Variants in MACROD2 observed in about 807,000 individuals in gnomAD.
MACROD2 encodes ADP-ribose glycohydrolase MACROD2.
In MACROD2, 36 loss-of-function variants were observed where a neutral mutation model predicts 70.4. The ratio of observed to expected loss-of-function variants is 0.51; its 90% confidence interval spans 0.39 to 0.68. The LOEUF is 0.68. Ranked by LOEUF, MACROD2 falls within the 30% of genes least tolerant of loss-of-function variation. The pLI, the probability that MACROD2 is intolerant of heterozygous loss-of-function variation, is 0.00. For synonymous variants in MACROD2, 172 were observed against 178.8 expected, an observed-to-expected ratio of 0.96 and a Z score of 0.30; for missense variants, 496 against 538.4, an observed-to-expected ratio of 0.92 and a Z score of 0.78.
At chr20:14,838,700 T>C (rs1024301953) in intron 5 of MACROD2, among the ~76,000 whole-genome samples, 10 of 152,140 alleles carry the variant, frequency 6.6e-5, no homozygotes, top group African/African-American at 2.4e-4. Flanking sequence ...AGCTTAAACA[T>C]GATACACTGA....
rs1301343308 is a variant in MACROD2 at position 14,326,136 on chromosome 20, T to C, written c.272-167343T>C. The C allele has an allele frequency of 6.2e-7, 1 of 1,613,898 alleles. No homozygotes were observed. Among genetic ancestry groups the C allele is most frequent in the African/African-American group, 1.3e-5 (1 of 75,036 alleles). On this transcript the variant is annotated intron_variant, in intron 3 of 17. Transcript: ENST00000684519. This position sits in a 1 kb window ranked among gnomAD's most constrained non-coding sequence, Gnocchi z 5.5. Reference sequence around the variant, plus strand: ...CCAAGTACTCACTGCGTTCCCCTGTTACAATTGTTTCTGTTATAGATCCAA... The same window carrying C: ...CCAAGTACTCACTGCGTTCCCCTGTCACAATTGTTTCTGTTATAGATCCAA...
chr20:14,399,581 T>G (rs185884353), intron 3 of MACROD2, among the ~76,000 whole-genome samples: 34 of 152,234 alleles, frequency 2.2e-4, no homozygotes, highest in African/African-American at 7.7e-4. Context: ...GTTCTTGAAT[T>G]TCTTGGTTCT....
chr20:14,073,513 A>G (rs1335931560), intron 2 of MACROD2, among the ~76,000 whole-genome samples: 2 of 152,224 alleles, frequency 1.3e-5, no homozygotes, highest in Non-Finnish European at 2.9e-5. Flanking sequence ...TCCTCAAGAT[A>G]ATACTCAGTT....
chr20:14,163,449 CT>C (rs1312485709), intron 3 of MACROD2, among the ~76,000 whole-genome samples: 1 of 151,992 alleles, frequency 6.6e-6, no homozygotes, highest in African/African-American at 2.4e-5. Flanking sequence ...TGAGTTGTAT[CT>C]GTTTGGGGAT....
At chr20:14,954,936 A>C (rs1600868667) in intron 5 of MACROD2, among the ~76,000 whole-genome samples, 1 of 105,088 alleles carries the variant, frequency 9.5e-6, no homozygotes, top group Non-Finnish European at 1.7e-5. Flanking sequence ...TTATATATTT[A>C]ATTATATAAG....
chr20:15,490,122 C>T (rs930890179), intron 7 of MACROD2, among the ~76,000 whole-genome samples: 3 of 151,362 alleles, frequency 2.0e-5, no homozygotes, highest in African/African-American at 7.3e-5. Context: ...CTTTGCACAC[C>T]TCTTGGCATT....
chr20:14,326,489 C>G lies in MACROD2; in HGVS notation c.272-166990C>G. 6.2e-7 allele frequency: 1 copy of G among 1,613,882 alleles called. No individual in the cohort carries two copies. Among genetic ancestry groups the G allele is most frequent in the Non-Finnish European group, 8.5e-7 (1 of 1,179,860 alleles). On this transcript the variant is annotated intron_variant, in intron 3 of 17. Transcript: ENST00000684519. The surrounding 1 kb of genome is among the most constrained non-coding windows in gnomAD (Gnocchi z 5.5). ...AGATCCTTAATAGCCATCCCACGAA[C>G]CTTTTCTGGGGCTTGGCACATGAGC... is the stretch of plus-strand genomic sequence containing the variant.
chr20:14,079,315 C>T (rs2053958413), intron 2 of MACROD2, among the ~76,000 whole-genome samples: 1 of 152,184 alleles, frequency 6.6e-6, no homozygotes, highest in African/African-American at 2.4e-5. Flanking sequence ...GTATGGATTT[C>T]TGCAGCTAGT....
chr20:14,306,816 C>CTATCCCT (rs2082524716), intron 3 of MACROD2, among the ~76,000 whole-genome samples: 1 of 151,932 alleles, frequency 6.6e-6, no homozygotes, highest in African/African-American at 2.4e-5. Context: ...GTATATGAGG[C>CTATCCCT]CATTAAATTA....
In MACROD2 at chr20:15,515,478, C is replaced by G. The variant is rs1394628625; in HGVS notation, c.645+15631C>G. Among the ~76,000 whole-genome samples the G allele has an allele frequency of 2.0e-5, 3 of 152,158 alleles. 1 individual carries two copies. The South Asian group carries it at 6.2e-4, about 31-fold the overall frequency. On this transcript the variant is annotated intron_variant, in intron 8 of 17. Transcript: ENST00000684519. Reference sequence around the variant, plus strand: ...GCATCTTTGGTGAATTTTTCCTTGGCCTTAGGAAAACTTTTCCCTTCCAAA... The same window carrying G: ...GCATCTTTGGTGAATTTTTCCTTGGGCTTAGGAAAACTTTTCCCTTCCAAA...
intron 6 of MACROD2, among the ~76,000 whole-genome samples, chr20:15,292,832 T>A (rs2077553345): frequency 6.6e-6 from 1 of 152,216 alleles, no homozygotes; most frequent in Admixed American, 6.5e-5. Flanking sequence ...TCAACTGTAT[T>A]TTTTTTCATT....
intron 3 of MACROD2, among the ~76,000 whole-genome samples, chr20:14,305,590 A>G (rs2082513144): frequency 6.6e-6 from 1 of 152,170 alleles, no homozygotes. Context: ...TCTATAGTAG[A>G]GCATGGCATA....
intron 8 of MACROD2, among the ~76,000 whole-genome samples, chr20:15,741,174 C>G (rs1458734371): frequency 6.6e-6 from 1 of 151,008 alleles, no homozygotes; most frequent in Non-Finnish European, 1.5e-5. Flanking sequence ...TCACTGCAGC[C>G]TCCACCTCTC....
At chr20:14,936,132 T>A (rs908870697) in intron 5 of MACROD2, among the ~76,000 whole-genome samples, 3 of 152,094 alleles carry the variant, frequency 2.0e-5, no homozygotes, top group African/African-American at 7.2e-5. Context: ...AATATGAGTA[T>A]GTGGTATAAA....
intron 4 of MACROD2, among the ~76,000 whole-genome samples, chr20:14,516,269 GATA>G (rs2085098799): frequency 6.6e-6 from 1 of 151,896 alleles, no homozygotes; most frequent in African/African-American, 2.4e-5. Flanking sequence ...TCACTCTGAT[GATA>G]ATTTCTTTTG....
At chr20:15,796,054 G>C (rs1232000217) in intron 8 of MACROD2, among the ~76,000 whole-genome samples, 1 of 152,180 alleles carries the variant, frequency 6.6e-6, no homozygotes, top group Non-Finnish European at 1.5e-5. Context: ...GGGTGCATCT[G>C]TTAAAAGACT....
chr20:14,378,012 G>T (rs2083388157), intron 3 of MACROD2, among the ~76,000 whole-genome samples: 1 of 151,822 alleles, frequency 6.6e-6, no homozygotes, highest in African/African-American at 2.4e-5. Flanking sequence ...AAATAATTTT[G>T]CATGCATTTT....
chr20:14,788,765 T>G (rs2072407797), intron 5 of MACROD2, among the ~76,000 whole-genome samples: 1 of 62,232 alleles, frequency 1.6e-5, no homozygotes, highest in African/African-American at 8.1e-5. Flanking sequence ...GTGGTGGTGT[T>G]TTTTTTTTTT....
chr20:15,991,190 A>C (rs1328615047), intron 15 of MACROD2, among the ~76,000 whole-genome samples: 2 of 152,218 alleles, frequency 1.3e-5, no homozygotes, highest in Non-Finnish European at 2.9e-5. Flanking sequence ...GCTCAGAACC[A>C]AGCTGGATTT....
Sources: allele counts gnomAD v4.1 joint callset (sites outside exome capture counted in the v4.1 genomes callset), GRCh38; gene constraint gnomAD v4.1.1; non-coding constraint Gnocchi (gnomAD v3.1); transcripts MANE v1.5; gene names NCBI Gene and HGNC (gene_info 2026-07-23, HGNC 2026-07-21).